PSMG2: variants seen among roughly 807,000 people sequenced by gnomAD.
PSMG2 encodes CD40 ligand-activated specific transcript 3.
Under a neutral mutation model 31.5 loss-of-function variants are expected in PSMG2, and 21 were observed. The observed-to-expected ratio is 0.67, with a 90% confidence interval of 0.47 to 0.96. The LOEUF is 0.96. Among genes scored for constraint, PSMG2 ranks in the 40% least tolerant of loss-of-function variants. The probability of loss-of-function intolerance (pLI) is 0.00; values close to 1 mark genes in which losing one functional copy is unlikely to be tolerated. For missense variants in PSMG2, 318 were observed against 321.2 expected, an observed-to-expected ratio of 0.99 and a Z score of 0.08; for synonymous variants, 120 against 110.4, an observed-to-expected ratio of 1.09 and a Z score of -0.54.
intron 1 of PSMG2, among the ~76,000 whole-genome samples, chr18:12,703,971 A>T (rs1220827078): frequency 6.6e-6 from 1 of 152,106 alleles, no homozygotes; most frequent in Non-Finnish European, 1.5e-5. Context: ...GGCCCTGTGA[A>T]CCCAGAAGGC....
intron 3 of PSMG2, among the ~76,000 whole-genome samples, chr18:12,713,367 A>G (rs2145142004): frequency 6.6e-6 from 1 of 152,262 alleles, no homozygotes; most frequent in Non-Finnish European, 1.5e-5. Context: ...GAAAGGCTTT[A>G]TATTGCAAAT....
chr18:12,686,398 G>A, intron 1 of PSMG2: 4 of 1,614,004 alleles, frequency 2.5e-6, no homozygotes, highest in Non-Finnish European at 3.4e-6. Flanking sequence ...AAGCCGTCCA[G>A]CTCGAAGTGG....
chr18:12,716,550 C>G (rs12955176), intron 3 of PSMG2, among the ~76,000 whole-genome samples: 13,563 of 151,820 alleles, frequency 0.089, 849 homozygotes, highest in Non-Finnish European at 0.13. Flanking sequence ...CCCACCATCA[C>G]GCCCGGCTAA....
chr18:12,706,463 G>A, intron 1 of PSMG2, 87 bp from the exon 2 acceptor site: 1 of 1,401,324 alleles, frequency 7.1e-7, no homozygotes, highest in African/African-American at 1.4e-5. Flanking sequence ...CTCCAGCCTG[G>A]GAGACAGAGG....
In PSMG2 at chr18:12,678,174, C is replaced by G. The variant is rs2039212394; in HGVS notation, c.-37+19401C>G. 4 of 1,614,022 alleles carry G rather than the reference C, an allele frequency of 2.5e-6. No individual in the cohort carries two copies. The East Asian group carries it at 6.7e-5, about 27-fold the overall frequency. Reference sequence around the variant, plus strand: ...ATTTCATTACTTGTTACTGACGCGTCAATTGTGGATGCACACAGAGGTGGA... The same window carrying G: ...ATTTCATTACTTGTTACTGACGCGTGAATTGTGGATGCACACAGAGGTGGA... On this transcript the variant is annotated intron_variant, in intron 1 of 6. Transcript: ENST00000585331.
At chr18:12,696,679 G>A (rs147253385) in intron 1 of PSMG2, among the ~76,000 whole-genome samples, 171 of 152,252 alleles carry the variant, frequency 1.1e-3, no homozygotes, top group Non-Finnish European at 2.2e-3. Context: ...AGCGGGCAGT[G>A]TGCAAGATTC....
chr18:12,717,793 A>G (rs1217167941), intron 3 of PSMG2, among the ~76,000 whole-genome samples: 2 of 152,084 alleles, frequency 1.3e-5, no homozygotes, highest in Non-Finnish European at 2.9e-5. Flanking sequence ...CCGGGGCTGG[A>G]TGTGGAGCAT....
chr18:12,664,119 C>T (rs9958917), intron 1 of PSMG2, among the ~76,000 whole-genome samples: 1 of 151,780 alleles, frequency 6.6e-6, no homozygotes, highest in Non-Finnish European at 1.5e-5. Context: ...GAGCCGAGAT[C>T]GTGCCATTGC....
chr18:12,703,796 G>A (rs1470520427), intron 1 of PSMG2, among the ~76,000 whole-genome samples: 1 of 152,174 alleles, frequency 6.6e-6, no homozygotes, highest in Admixed American at 6.5e-5. Flanking sequence ...TGTTAAGAAA[G>A]GCTTTATAGA....
chr18:12,699,150 C>T (rs772660362), upstream of PSMG2: 10 of 1,613,960 alleles, frequency 6.2e-6, no homozygotes, highest in South Asian at 9.9e-5. Flanking sequence ...TCCAAGAAAG[C>T]TTTTCCACCC....
chr18:12,710,594 A>G (rs887237385), intron 2 of PSMG2, among the ~76,000 whole-genome samples: 7 of 152,094 alleles, frequency 4.6e-5, no homozygotes, highest in African/African-American at 1.4e-4. Context: ...TGTTTTGTAC[A>G]ATGTCCCACC....
At chr18:12,697,399 G>A (rs764113871) in intron 1 of PSMG2, 1 of 1,605,850 alleles carries the variant, frequency 6.2e-7, no homozygotes, top group Non-Finnish European at 8.5e-7. Flanking sequence ...AGCCATTCTA[G>A]TTCCATCACC....
chr18:12,692,074 G>A (rs2039783706), intron 1 of PSMG2: 1 of 152,106 alleles, frequency 6.6e-6, no homozygotes, highest in Non-Finnish European at 1.5e-5. Context: ...ACAACATTTT[G>A]GGAGGCCAAG....
At chr18:12,678,084 C>A in intron 1 of PSMG2, 1 of 1,563,782 alleles carries the variant, frequency 6.4e-7, no homozygotes, top group Non-Finnish European at 8.8e-7. Context: ...AAGTATGAAA[C>A]TACAACTATT....
intron 1 of PSMG2, chr18:12,686,672 A>G (rs1316790899): frequency 2.5e-6 from 1 of 393,610 alleles, no homozygotes; most frequent in African/African-American, 2.1e-5. Context: ...TACAGCTATT[A>G]TGCAACAGAG....
chr18:12,678,743 G>C (rs1026671865), intron 1 of PSMG2, among the ~76,000 whole-genome samples: 1 of 152,020 alleles, frequency 6.6e-6, no homozygotes, highest in African/African-American at 2.4e-5. Context: ...ATCACCTGAG[G>C]TCAAGAGTTC....
rs559047846 is a variant in PSMG2 at position 12,659,992 on chromosome 18, C to T, written c.-37+1219C>T. Among the ~76,000 whole-genome samples the T allele has an allele frequency of 2.8e-4, 42 of 152,186 alleles. No individual in the cohort carries two copies. The South Asian group carries it at 5.2e-3, about 19-fold the overall frequency. ...ACAGACTGGTTTAAAATATTTTGAACAATCCAGGAAAAAAAATGAAGGTCT... is the reference window on the plus strand; with the variant it reads ...ACAGACTGGTTTAAAATATTTTGAATAATCCAGGAAAAAAAATGAAGGTCT... On this transcript the variant is annotated intron_variant, in intron 1 of 6. Transcript: ENST00000585331.
chr18:12,697,826 G>C (rs181023120), intron 1 of PSMG2, among the ~76,000 whole-genome samples: 1 of 151,334 alleles, frequency 6.6e-6, no homozygotes, highest in African/African-American at 2.4e-5. Flanking sequence ...ACAGCACATC[G>C]AATCTAGCAA....
chr18:12,691,313 A>C (rs1410307352), intron 1 of PSMG2: 1 of 1,272,962 alleles, frequency 7.9e-7, no homozygotes, highest in African/African-American at 1.5e-5. Context: ...ACATAACAGT[A>C]AATCTCAAAT....
Sources: allele counts gnomAD v4.1 joint callset (sites outside exome capture counted in the v4.1 genomes callset), GRCh38; gene constraint gnomAD v4.1.1; transcripts MANE v1.5; gene names NCBI Gene and HGNC (gene_info 2026-07-23, HGNC 2026-07-21).